Variants in KIF26B observed in about 807,000 individuals in gnomAD.
KIF26B encodes the protein kinesin family member 26B.
A neutral mutation model predicts 151.2 loss-of-function variants in KIF26B; 63 were observed. The observed-to-expected ratio is 0.42, with a 90% CI of 0.34 to 0.51. The LOEUF (loss-of-function observed/expected upper bound fraction) is 0.51. Ranked by LOEUF, KIF26B falls within the 20% of genes least tolerant of loss-of-function variation. The pLI, the probability that KIF26B is intolerant of heterozygous loss-of-function variation, is 0.07. For synonymous variants in KIF26B, 1,357 were observed against 1,262.1 expected, an observed-to-expected ratio of 1.08 and a Z score of -1.59; for missense variants, 2,813 against 2,913.6, an observed-to-expected ratio of 0.97 and a Z score of 0.79.
chr1:245,488,554 G>T lies in KIF26B; in HGVS notation c.1167-52213G>T, dbSNP rs1394546602. On this transcript the variant is annotated intron_variant, in intron 4 of 14. Coordinates refer to ENST00000407071, the MANE Select transcript of KIF26B (RefSeq NM_018012.4). This position sits in a 1 kb window ranked among gnomAD's most constrained non-coding sequence, Gnocchi z 4.6. Reference sequence around the variant, plus strand: ...GGAATGAACTACCCCCTCTGCCTCGGGGACAGGCACCTCCTGGTCCACATC... The same window carrying T: ...GGAATGAACTACCCCCTCTGCCTCGTGGACAGGCACCTCCTGGTCCACATC... 2.0e-5 allele frequency among the ~76,000 whole-genome samples: 3 copies of T among 147,360 alleles called. No individual in the cohort carries two copies. The highest frequency in any genetic ancestry group is 1.3e-4 in the Admixed American group (2 of 15,026).
intron 2 of KIF26B, among the ~76,000 whole-genome samples, chr1:245,213,995 G>A (rs1271823772): frequency 6.6e-6 from 1 of 152,158 alleles, no homozygotes; most frequent in Non-Finnish European, 1.5e-5. Flanking sequence ...TGTTAGCAGG[G>A]AAATCTGTTT....
At chr1:245,622,088 A>G (rs1190997622) in intron 9 of KIF26B, among the ~76,000 whole-genome samples, 2 of 138,922 alleles carry the variant, frequency 1.4e-5, no homozygotes, top group African/African-American at 4.9e-5. Context: ...TCTCCTGTCT[A>G]TATAATTAGG....
At chr1:245,351,586 C>T (rs761028445) in intron 2 of KIF26B, among the ~76,000 whole-genome samples, 5 of 152,210 alleles carry the variant, frequency 3.3e-5, no homozygotes, top group Non-Finnish European at 7.3e-5. Flanking sequence ...TCCATTTAAT[C>T]TTTACATCAG....
At chr1:245,277,475 C>A (rs529958390) in intron 2 of KIF26B, among the ~76,000 whole-genome samples, 1 of 152,166 alleles carries the variant, frequency 6.6e-6, no homozygotes, top group African/African-American at 2.4e-5. Context: ...CTCTTGGTGC[C>A]CCCTGCAGGT....
intron 2 of KIF26B, among the ~76,000 whole-genome samples, chr1:245,240,004 T>C (rs1160827607): frequency 6.6e-6 from 1 of 152,078 alleles, no homozygotes; most frequent in African/African-American, 2.4e-5. Context: ...GGAGAAACTC[T>C]ATTAAAAATA....
rs79644952 is a variant in KIF26B, at chr1:245,233,019, C to G, written c.465+76336C>G. 3.8e-3 allele frequency among the ~76,000 whole-genome samples: 586 copies of G among 152,262 alleles called. 17 individuals are homozygous for G. In the East Asian group the frequency reaches 0.085, roughly 22 times the overall value. ...TGGAAGTTGAAATATATTTGCTATC[C>G]CTGCCCTAATTGTAGGGTCTGTAGC... On this transcript the variant is annotated intron_variant, in intron 2 of 14. Transcript: ENST00000407071.
chr1:245,522,182 A>AC (rs1661143250), intron 4 of KIF26B, among the ~76,000 whole-genome samples: 5 of 151,932 alleles, frequency 3.3e-5, no homozygotes, highest in Admixed American at 3.3e-4. Context: ...TCCATTTTTC[A>AC]TCTTGACCAT....
intron 2 of KIF26B, among the ~76,000 whole-genome samples, chr1:245,198,179 C>T (rs1418408026): frequency 6.6e-6 from 1 of 152,198 alleles, no homozygotes; most frequent in Non-Finnish European, 1.5e-5. Context: ...AACAGACCTC[C>T]AGTACTTGTG....
chr1:245,331,225 G>T (rs1017541878), intron 2 of KIF26B, among the ~76,000 whole-genome samples: 1 of 152,082 alleles, frequency 6.6e-6, no homozygotes, highest in Non-Finnish European at 1.5e-5. Flanking sequence ...CTTGCCGGAG[G>T]AGGGTGCACG....
chr1:245,274,082 AT>A (rs1028679627), intron 2 of KIF26B, among the ~76,000 whole-genome samples: 21 of 152,152 alleles, frequency 1.4e-4, no homozygotes, highest in Non-Finnish European at 2.9e-4. Flanking sequence ...TTATAGTTAT[AT>A]TAATCTGTTC....
intron 2 of KIF26B, among the ~76,000 whole-genome samples, chr1:245,230,658 G>T (rs534881671): frequency 1.3e-5 from 2 of 151,860 alleles, no homozygotes; most frequent in Non-Finnish European, 2.9e-5. Context: ...CAGGAGAATC[G>T]CTTGAACCCG....
chr1:245,654,859 A>G (rs1237744708), intron 10 of KIF26B, among the ~76,000 whole-genome samples: 1 of 152,252 alleles, frequency 6.6e-6, no homozygotes, highest in East Asian at 1.9e-4. Context: ...AGCTTTGCTG[A>G]GTACAAGAAA....
chr1:245,541,256 G>C (rs1261529405), intron 5 of KIF26B, among the ~76,000 whole-genome samples: 2 of 152,196 alleles, frequency 1.3e-5, no homozygotes, highest in Non-Finnish European at 2.9e-5. Context: ...CGAGGCAGGG[G>C]CAGGAGACCG....
rs148544904 is a variant in KIF26B, at chr1:245,359,309, G to A, written c.466-7525G>A. The stretch of plus-strand genomic sequence containing the variant: ...GCTAGGGTTGCAAGAGTGAGCCACC[G>A]CGTCCAGGCCAGGTTTCTCTTTCTA... On this transcript the variant is annotated intron_variant, in intron 2 of 14. Coordinates refer to ENST00000407071, the MANE Select transcript of KIF26B (RefSeq NM_018012.4). 3.0e-3 allele frequency among the ~76,000 whole-genome samples: 457 copies of A among 152,208 alleles called. 1 individual carries two copies. Among genetic ancestry groups the A allele is most frequent in the African/African-American group, 1.0e-2 (414 of 41,538 alleles).
intron 9 of KIF26B, among the ~76,000 whole-genome samples, chr1:245,634,826 A>C (rs950836457): frequency 1.3e-5 from 2 of 151,828 alleles, no homozygotes; most frequent in African/African-American, 2.4e-5. Context: ...CCTTCCTTCC[A>C]TCTCAGCCTC....
Position 245,702,772 on chromosome 1 carries a change from C to T in KIF26B, c.*166C>T. On this transcript the variant is annotated 3_prime_UTR_variant, in exon 15 of 15. Transcript: ENST00000407071. The surrounding 1 kb of genome is among the most constrained non-coding windows in gnomAD (Gnocchi z 4.1). The stretch of plus-strand genomic sequence containing the variant: ...CGGAAGGCGAGTTTTCTTTTGTTTT[C>T]TGTAGGAAAGGTGCAAACGTCAAAC... 1 of 733,246 alleles carries T rather than the reference C, an allele frequency of 1.4e-6. No individual in the cohort carries two copies. The highest frequency in any genetic ancestry group is 2.1e-6 in the Non-Finnish European group (1 of 478,114). 45.4% of individuals were successfully genotyped at this position (733,246 alleles called of 1,614,324 possible).
At chr1:245,207,160 A>G (rs1669421256) in intron 2 of KIF26B, among the ~76,000 whole-genome samples, 1 of 152,222 alleles carries the variant, frequency 6.6e-6, no homozygotes, top group African/African-American at 2.4e-5. Flanking sequence ...GAATTAAGGC[A>G]GGACTCCCTG....
intron 4 of KIF26B, among the ~76,000 whole-genome samples, chr1:245,522,063 G>T (rs538263141): frequency 1.3e-5 from 2 of 152,184 alleles, no homozygotes; most frequent in East Asian, 3.9e-4. Flanking sequence ...TAGAGACGGG[G>T]TTTCACCGTG....
At chr1:245,610,759 T>G (rs574966629) in intron 8 of KIF26B, among the ~76,000 whole-genome samples, 7 of 152,324 alleles carry the variant, frequency 4.6e-5, no homozygotes, top group Admixed American at 6.5e-5. Flanking sequence ...TGTTGAAAAA[T>G]CTTTTAAATT....
Sources: gnomAD v4.1 joint callset for allele counts (sites outside exome capture counted in the v4.1 genomes callset) on GRCh38, gnomAD v4.1.1 for gene constraint, Gnocchi (gnomAD v3.1) non-coding constraint, MANE v1.5 for transcripts, NCBI Gene and HGNC (gene_info 2026-07-23, HGNC 2026-07-21) for gene names.